The following LPCAT1 variants were observed in gnomAD, a reference collection of about 807,000 sequenced individuals.
LPCAT1 encodes the protein 1-acylglycerol-3-phosphate O-acyltransferase.
LPCAT1 carries 23 observed loss-of-function variants against 60.9 expected under a neutral mutation model. The observed-to-expected ratio is 0.38, with a 90% CI of 0.27 to 0.53. The LOEUF (loss-of-function observed/expected upper bound fraction) is 0.53. LPCAT1 is among the 20% of genes least tolerant of loss of function. The pLI is 0.82. For missense variants in LPCAT1, 622 were observed against 723.6 expected (o/e 0.86, Z 1.61); for synonymous variants, 340 against 301.1 (o/e 1.13, Z -1.34).
intron 5 of LPCAT1, among the ~76,000 whole-genome samples, chr5:1,485,640 C>T (rs934141452): frequency 6.6e-6 from 1 of 152,238 alleles, no homozygotes; most frequent in Non-Finnish European, 1.5e-5. Context: ...CCACAGCCCA[C>T]CCCACAGGAA....
intron 1 of LPCAT1, among the ~76,000 whole-genome samples, chr5:1,518,193 C>T (rs770045180): frequency 5.9e-5 from 9 of 152,124 alleles, no homozygotes; most frequent in Non-Finnish European, 1.0e-4. Context: ...GGGCTTGGGC[C>T]GGGTGACTGG....
At chr5:1,491,574 C>T (rs550136481) in intron 3 of LPCAT1, among the ~76,000 whole-genome samples, 64 of 152,254 alleles carry the variant, frequency 4.2e-4, no homozygotes, top group African/African-American at 1.1e-3. Flanking sequence ...GTGCCTTTCA[C>T]GCTGAGAACT....
At chr5:1,467,745 C>T (rs966529095) in intron 12 of LPCAT1, among the ~76,000 whole-genome samples, 1 of 151,242 alleles carries the variant, frequency 6.6e-6, no homozygotes, top group East Asian at 1.9e-4. Context: ...TCTGTGGCAG[C>T]GCTTTCCTCT....
rs916361156 is a variant in LPCAT1, at chr5:1,480,661, C to T, written c.761+281G>A. ...TCCTTACCAGGGGCCACCAGGTGGA[C>T]GATCGTAATTACTGAGCTGGCAAAC... On this transcript the variant is annotated intron_variant, in intron 7 of 13. Transcript: ENST00000283415. This position sits in a 1 kb window ranked among gnomAD's most constrained non-coding sequence, Gnocchi z 6.4. Among the ~76,000 whole-genome samples the T allele has an allele frequency of 8.5e-5, 13 of 152,100 alleles. No individual in the cohort carries two copies. Among genetic ancestry groups the T allele is most frequent in the South Asian group, 6.2e-4 (3 of 4,828 alleles).
chr5:1,472,830 C>T (rs542554889), intron 11 of LPCAT1, among the ~76,000 whole-genome samples: 5 of 152,152 alleles, frequency 3.3e-5, no homozygotes, highest in East Asian at 1.9e-4. Flanking sequence ...GACTCGCATC[C>T]GAGACACTGT....
At chr5:1,478,331 T>C (rs1430208620) in intron 8 of LPCAT1, among the ~76,000 whole-genome samples, 1 of 152,264 alleles carries the variant, frequency 6.6e-6, no homozygotes, top group Non-Finnish European at 1.5e-5. Context: ...CTCGCTGTTA[T>C]TTCTAAAACT....
At chr5:1,475,288 G>A (rs1053161654) in intron 9 of LPCAT1, among the ~76,000 whole-genome samples, 3 of 152,204 alleles carry the variant, frequency 2.0e-5, no homozygotes, top group African/African-American at 7.2e-5. Flanking sequence ...AGAGTCTCAG[G>A]CTATCCACAG....
chr5:1,478,588 G>T (rs2126516064), intron 8 of LPCAT1, among the ~76,000 whole-genome samples: 1 of 152,402 alleles, frequency 6.6e-6, no homozygotes, highest in South Asian at 2.1e-4. Context: ...AATCCTGCTG[G>T]GTGGGGGAAC....
At chr5:1,470,185 C>T (rs756391395) in intron 12 of LPCAT1, among the ~76,000 whole-genome samples, 2 of 152,238 alleles carry the variant, frequency 1.3e-5, no homozygotes, top group Non-Finnish European at 2.9e-5. Context: ...CAGGCAAAGC[C>T]GGCCCAGCTC....
chr5:1,521,698 C>A lies in LPCAT1; in HGVS notation c.135+2012G>T, dbSNP rs1420854263. 1.3e-5 allele frequency among the ~76,000 whole-genome samples: 2 copies of A among 152,152 alleles called. No individual in the cohort carries two copies. The highest frequency in any genetic ancestry group is 2.1e-4 in the South Asian group (1 of 4,836). On this transcript the variant is annotated intron_variant, in intron 1 of 13. Coordinates refer to ENST00000283415, the MANE Select transcript of LPCAT1 (RefSeq NM_024830.5). The surrounding 1 kb of genome is among the most constrained non-coding windows in gnomAD (Gnocchi z 4.3). ...CAAAGCAAGCCCCCTCTCTGAGAGGCCCCAACACCTCAAGCCAGGATCTCT... is the reference window on the plus strand; with the variant it reads ...CAAAGCAAGCCCCCTCTCTGAGAGGACCCAACACCTCAAGCCAGGATCTCT...
chr5:1,472,937 C>T (rs1213402862), intron 11 of LPCAT1, among the ~76,000 whole-genome samples: 1 of 152,284 alleles, frequency 6.6e-6, no homozygotes, highest in African/African-American at 2.4e-5. Context: ...TTGGTTCACA[C>T]TCTGCATACT....
chr5:1,520,860 CAAAAAAA>C lies in LPCAT1; in HGVS notation c.135+2843_135+2849del, dbSNP rs59074953. Among the ~76,000 whole-genome samples, 7 of 82,046 alleles carry C rather than the reference CAAAAAAA, an allele frequency of 8.5e-5. No homozygotes were observed. In the Admixed American group the frequency reaches 8.8e-4, roughly 10 times the overall value. 53.8% of individuals were successfully genotyped at this position (82,046 alleles called of 152,430 possible). A position where few individuals can be genotyped will look rare whatever the true frequency, so the allele number is the denominator to read the frequency against. ...CCTGGGCGACAGAGAGAGACTGTCT[CAAAAAAA>C]AAAAAAAAAAAAGAAAAAGAAAAAG... On this transcript the variant is annotated intron_variant, in intron 1 of 13. Coordinates refer to ENST00000283415, the MANE Select transcript of LPCAT1 (RefSeq NM_024830.5).
In LPCAT1 at chr5:1,467,909, T is replaced by G. The variant is rs377205017; in HGVS notation, c.1279-1019A>C. On this transcript the variant is annotated intron_variant, in intron 12 of 13. Transcript: ENST00000283415. ...GCCTGGGGTCCACGGTTCCTGGGGCTCCGACGGGGCCGTCGCCCTGACTCC... is the reference window on the plus strand; with the variant it reads ...GCCTGGGGTCCACGGTTCCTGGGGCGCCGACGGGGCCGTCGCCCTGACTCC... Among the ~76,000 whole-genome samples the G allele has an allele frequency of 2.0e-5, 3 of 152,220 alleles. No homozygotes were observed. The East Asian group carries it at 5.8e-4, about 30-fold the overall frequency.
rs887075027 is a variant in LPCAT1 at position 1,495,940 on chromosome 5, G to C, written c.279-1026C>G. On this transcript the variant is annotated intron_variant, in intron 2 of 13. Coordinates refer to ENST00000283415, the MANE Select transcript of LPCAT1 (RefSeq NM_024830.5). The surrounding 1 kb of genome is among the most constrained non-coding windows in gnomAD (Gnocchi z 4.7). Reference sequence around the variant, plus strand: ...ACCTTGGAATGGCCTTTGTGTATGCGATGATAAACAATGGTGTAGTTACAC... The same window carrying C: ...ACCTTGGAATGGCCTTTGTGTATGCCATGATAAACAATGGTGTAGTTACAC... Among the ~76,000 whole-genome samples the C allele has an allele frequency of 6.6e-6, 1 of 152,212 alleles. No individual in the cohort carries two copies. The highest frequency in any genetic ancestry group is 1.5e-5 in the Non-Finnish European group (1 of 68,038).
chr5:1,469,625 A>G (rs1734586714), intron 12 of LPCAT1, among the ~76,000 whole-genome samples: 1 of 152,104 alleles, frequency 6.6e-6, no homozygotes, highest in Non-Finnish European at 1.5e-5. Context: ...AAAATTACAA[A>G]AATTAGCTGG....
At chr5:1,466,709 C>G in intron 13 of LPCAT1, 40 bp downstream of exon 13, 3 of 1,588,386 alleles carry the variant, frequency 1.9e-6, no homozygotes, top group Non-Finnish European at 2.6e-6. Flanking sequence ...CCAGCCCCCG[C>G]CCAAGGGTCG....
rs1735093192 is a variant in LPCAT1, at chr5:1,480,458, C to T, written c.761+484G>A. On this transcript the variant is annotated intron_variant, in intron 7 of 13. Coordinates refer to ENST00000283415, the MANE Select transcript of LPCAT1 (RefSeq NM_024830.5). The surrounding 1 kb of genome is among the most constrained non-coding windows in gnomAD (Gnocchi z 6.4). ...ACCAGCCTGTGGCCCCGGGCTTCTC[C>T]TCTGGGGCTCGTTCCCGTTTCCGTG... 1 of 748,816 alleles carries T rather than the reference C, an allele frequency of 1.3e-6. No homozygotes were observed. The highest frequency in any genetic ancestry group is 1.9e-5 in the African/African-American group (1 of 52,518). 46.4% of individuals were successfully genotyped at this position (748,816 alleles called of 1,614,324 possible).
intron 1 of LPCAT1, 128 bp from the exon 2 acceptor site, chr5:1,501,731 G>A: frequency 1.1e-6 from 1 of 948,054 alleles, no homozygotes; most frequent in Non-Finnish European, 1.6e-6. Flanking sequence ...GGCTGCAGCT[G>A]GCACACAGCT....
chr5:1,508,134 G>C (rs1736241868), intron 1 of LPCAT1, among the ~76,000 whole-genome samples: 1 of 152,206 alleles, frequency 6.6e-6, no homozygotes, highest in African/African-American at 2.4e-5. Context: ...CGTGTCTGCT[G>C]TTCGGGAGGC....
Sources: gnomAD v4.1 joint callset for allele counts (sites outside exome capture counted in the v4.1 genomes callset) on GRCh38, gnomAD v4.1.1 for gene constraint, Gnocchi (gnomAD v3.1) non-coding constraint, MANE v1.5 for transcripts, NCBI Gene and HGNC (gene_info 2026-07-23, HGNC 2026-07-21) for gene names.